FOXN2: variants seen among roughly 807,000 people sequenced by gnomAD.
FOXN2 encodes the protein forkhead box protein N2.
A neutral mutation model predicts 41.2 loss-of-function variants in FOXN2; 19 were observed. The ratio of observed to expected loss-of-function variants is 0.46; its 90% CI spans 0.32 to 0.68. FOXN2 has a LOEUF of 0.68. Ranked by LOEUF, FOXN2 falls within the 30% of genes least tolerant of loss-of-function variation. The pLI is 0.03. For missense variants in FOXN2, 587 were observed against 509.4 expected, an observed-to-expected ratio of 1.15 and a Z score of -1.47; for synonymous variants, 195 against 176.8, an observed-to-expected ratio of 1.10 and a Z score of -0.82.
rs753074098 is a variant in FOXN2 at position 48,346,427 on chromosome 2, C to T, written c.213C>T (p.Asn71=). The change falls in exon 3 of 7, where the codon AAC becomes AAT. Residue 71 remains asparagine (N), a synonymous_variant. Transcript: ENST00000340553. The stretch of plus-strand genomic sequence containing the variant: ...ATGAAAGCACTAATCTTCTAACAAA[C>T]TTCAGCCTCGGAAGTGAGGGTCTTC... The part of the protein sequence containing the change: ...WLHESTNLLT[N]FSLGSEGLPI... 10 of 1,614,092 alleles carry T rather than the reference C, an allele frequency of 6.2e-6. No homozygotes were observed. Among genetic ancestry groups the T allele is most frequent in the South Asian group, 4.4e-5 (4 of 91,090 alleles).
intron 3 of FOXN2, among the ~76,000 whole-genome samples, chr2:48,347,531 T>TG (rs1671188363): frequency 1.5e-5 from 2 of 134,058 alleles, no homozygotes; most frequent in African/African-American, 5.3e-5. Context: ...CCAGCCGAGG[T>TG]GTTGTGTGTG....
At chr2:48,333,261 T>C (rs1670128892) in intron 2 of FOXN2, among the ~76,000 whole-genome samples, 1 of 152,164 alleles carries the variant, frequency 6.6e-6, no homozygotes, top group African/African-American at 2.4e-5. Flanking sequence ...ATATCTCTTA[T>C]ACATCTCTTT....
chr2:48,363,804 G>GT (rs1267512273), intron 5 of FOXN2, among the ~76,000 whole-genome samples: 1 of 152,226 alleles, frequency 6.6e-6, no homozygotes, highest in African/African-American at 2.4e-5. Flanking sequence ...TCCTAGGTGT[G>GT]TAGTAGGCTA....
intron 2 of FOXN2, among the ~76,000 whole-genome samples, chr2:48,336,423 A>G (rs1670359800): frequency 6.9e-6 from 1 of 145,700 alleles, no homozygotes; most frequent in African/African-American, 2.6e-5. Flanking sequence ...AAAAAAATAT[A>G]TATATATGTA....
intron 5 of FOXN2, among the ~76,000 whole-genome samples, chr2:48,368,459 G>A (rs1672671273): frequency 6.6e-6 from 1 of 152,182 alleles, no homozygotes; most frequent in Admixed American, 6.5e-5. Context: ...TCCCTCAGGA[G>A]TTCAAGACCA....
chr2:48,359,354 C>A (rs570572403), intron 4 of FOXN2, among the ~76,000 whole-genome samples: 1 of 152,112 alleles, frequency 6.6e-6, no homozygotes, highest in African/African-American at 2.4e-5. Flanking sequence ...AGTGCAGTAG[C>A]GAGATCTCGG....
At chr2:48,367,564 C>T (rs1374600899) in intron 5 of FOXN2, among the ~76,000 whole-genome samples, 1 of 152,198 alleles carries the variant, frequency 6.6e-6, no homozygotes, top group African/African-American at 2.4e-5. Context: ...CATCTGGATG[C>T]TCTGCAAATG....
chr2:48,316,206 G>C (rs1442032280), intron 1 of FOXN2, among the ~76,000 whole-genome samples: 1 of 152,040 alleles, frequency 6.6e-6, no homozygotes, highest in East Asian at 1.9e-4. Context: ...CTGTTACCTT[G>C]CAGTTCTCCT....
chr2:48,313,943 T>C (rs949258635), upstream of FOXN2, among the ~76,000 whole-genome samples: 3 of 152,252 alleles, frequency 2.0e-5, no homozygotes, highest in East Asian at 1.9e-4. Context: ...GTTATTATTA[T>C]GGATATGACA....
At chr2:48,316,527 G>A (rs1668930776) in intron 1 of FOXN2, among the ~76,000 whole-genome samples, 1 of 152,028 alleles carries the variant, frequency 6.6e-6, no homozygotes, top group Admixed American at 6.5e-5. Context: ...TACTTTTTTA[G>A]GGATGAAGTA....
intron 3 of FOXN2, among the ~76,000 whole-genome samples, chr2:48,358,285 C>T (rs1220896797): frequency 6.6e-6 from 1 of 152,080 alleles, no homozygotes; most frequent in Non-Finnish European, 1.5e-5. Flanking sequence ...AGAATGGCCC[C>T]TTAATATTCA....
At chr2:48,346,830 C>CG in intron 3 of FOXN2, 79 bp downstream of exon 3, 1 of 1,233,072 alleles carries the variant, frequency 8.1e-7, no homozygotes, top group Non-Finnish European at 1.1e-6. Context: ...ATCTGGAAAT[C>CG]GGGGAGACAA....
chr2:48,345,292 C>T (rs555061671), intron 2 of FOXN2, among the ~76,000 whole-genome samples: 2 of 151,772 alleles, frequency 1.3e-5, no homozygotes, highest in South Asian at 2.1e-4. Flanking sequence ...GTTAGACTTA[C>T]GGAAGTATAG....
At chr2:48,368,703 C>G (rs745320724) in intron 5 of FOXN2, among the ~76,000 whole-genome samples, 1 of 152,062 alleles carries the variant, frequency 6.6e-6, no homozygotes, top group South Asian at 2.1e-4. Flanking sequence ...AAATAACGAA[C>G]GAATCAACGA....
At chr2:48,364,815 A>T (rs776655940) in intron 5 of FOXN2, among the ~76,000 whole-genome samples, 5 of 152,260 alleles carry the variant, frequency 3.3e-5, no homozygotes, top group Non-Finnish European at 7.3e-5. Context: ...TGCAACAGAG[A>T]CCTACATATT....
chr2:48,351,541 G>A (rs930737971), intron 3 of FOXN2, among the ~76,000 whole-genome samples: 4 of 152,194 alleles, frequency 2.6e-5, no homozygotes, highest in African/African-American at 9.7e-5. Context: ...TCTGCTACCT[G>A]AGGTGGGGAC....
At chr2:48,352,474 A>G (rs1030634214) in intron 3 of FOXN2, among the ~76,000 whole-genome samples, 7 of 152,026 alleles carry the variant, frequency 4.6e-5, no homozygotes, top group African/African-American at 1.7e-4. Context: ...TTTAGTGTTC[A>G]CTATTTTGTC....
At chr2:48,336,605 AAG>A (rs1670380428) in intron 2 of FOXN2, among the ~76,000 whole-genome samples, 1 of 152,054 alleles carries the variant, frequency 6.6e-6, no homozygotes. Flanking sequence ...AATGAGAAAA[AAG>A]AATCATTCCA....
At chr2:48,325,766 A>T (rs1422010986) in intron 1 of FOXN2, among the ~76,000 whole-genome samples, 1 of 151,922 alleles carries the variant, frequency 6.6e-6, no homozygotes, top group Non-Finnish European at 1.5e-5. Flanking sequence ...TGTTATCAAA[A>T]GGTTCGAGTA....
Sources: allele counts gnomAD v4.1 joint callset (sites outside exome capture counted in the v4.1 genomes callset), GRCh38; gene constraint gnomAD v4.1.1; transcripts MANE v1.5; gene names NCBI Gene and HGNC (gene_info 2026-07-23, HGNC 2026-07-21).